The following TAF3 variants were observed in gnomAD, a reference collection of about 807,000 sequenced individuals.
The protein encoded by TAF3 is transcription initiation factor TFIID subunit 3.
TAF3 carries 7 observed loss-of-function variants against 80.6 expected under a neutral mutation model. The ratio of observed to expected loss-of-function variants is 0.09; its 90% CI spans 0.05 to 0.16. The LOEUF (loss-of-function observed/expected upper bound fraction) is 0.16. TAF3 is among the 10% of genes least tolerant of loss of function. The pLI is 1.00. For missense variants in TAF3, 921 were observed against 1,140.2 expected, an observed-to-expected ratio of 0.81 and a Z score of 2.77; for synonymous variants, 444 against 446.1, an observed-to-expected ratio of 1.00 and a Z score of 0.06.
rs896172351 is a variant in TAF3, at chr10:7,911,814, G to A, written c.410-52106G>A. The stretch of plus-strand genomic sequence containing the variant: ...GGAACATTGAGCTTCCATTTTGGTC[G>A]ACAGCCACAGTGACCTGGGGCCAAA... On this transcript the variant is annotated intron_variant, in intron 2 of 6. Transcript: ENST00000344293. Among the ~76,000 whole-genome samples the A allele has an allele frequency of 2.0e-5, 3 of 152,130 alleles. No individual in the cohort carries two copies. In the South Asian group the frequency reaches 6.2e-4, roughly 32 times the overall value.
intron 2 of TAF3, among the ~76,000 whole-genome samples, chr10:7,927,557 G>C (rs1310513067): frequency 6.6e-6 from 1 of 152,038 alleles, no homozygotes; most frequent in East Asian, 1.9e-4. Flanking sequence ...TAGATAACGT[G>C]GAATCAGAAT....
intron 2 of TAF3, among the ~76,000 whole-genome samples, chr10:7,906,389 C>G (rs1311516486): frequency 1.3e-5 from 2 of 152,190 alleles, no homozygotes; most frequent in African/African-American, 4.8e-5. Flanking sequence ...CAGGTGGTAA[C>G]TACAGCTACA....
intron 2 of TAF3, among the ~76,000 whole-genome samples, chr10:7,932,595 A>G (rs1837877817): frequency 6.6e-6 from 1 of 152,126 alleles, no homozygotes; most frequent in Admixed American, 6.5e-5. Context: ...TCCCAATGTA[A>G]AGATCAGTTG....
chr10:7,934,039 A>G (rs1469739398), intron 2 of TAF3, among the ~76,000 whole-genome samples: 1 of 152,232 alleles, frequency 6.6e-6, no homozygotes, highest in Non-Finnish European at 1.5e-5. Flanking sequence ...CATTGAGCAC[A>G]AAATGCCACC....
At chr10:7,927,164 A>G (rs1458985990) in intron 2 of TAF3, among the ~76,000 whole-genome samples, 3 of 152,230 alleles carry the variant, frequency 2.0e-5, no homozygotes, top group African/African-American at 4.8e-5. Flanking sequence ...TTATATACTC[A>G]TCTTTCATGT....
chr10:7,994,977 G>GAAA (rs71287400), intron 4 of TAF3, among the ~76,000 whole-genome samples: 2 of 97,646 alleles, frequency 2.0e-5, no homozygotes, highest in Non-Finnish European at 4.0e-5. Flanking sequence ...CTCAAAAAAA[G>GAAA]AAAAAAAAAA....
chr10:7,833,943 C>T (rs926312426), intron 2 of TAF3: 8 of 388,704 alleles, frequency 2.1e-5, no homozygotes, highest in African/African-American at 4.3e-5. Context: ...TCTTGCCATT[C>T]CCGCTGGGCA....
At chr10:7,847,844 C>T (rs1181249076) in intron 2 of TAF3, among the ~76,000 whole-genome samples, 3 of 152,160 alleles carry the variant, frequency 2.0e-5, no homozygotes, top group South Asian at 2.1e-4. Context: ...CTGGGCCCAC[C>T]GCAACCTCCA....
Position 8,014,699 on chromosome 10 carries a change from C to T in TAF3, c.2738C>T (p.Ala913Val), listed in dbSNP as rs201712983. 9 of 1,611,176 alleles carry T rather than the reference C, an allele frequency of 5.6e-6. No individual in the cohort carries two copies. In the Admixed American group the frequency reaches 8.4e-5, roughly 15 times the overall value. The change falls in exon 7 of 7, where the codon GCG becomes GTG. Residue 913 changes from alanine to valine, a missense_variant. Ala to Val is a moderately conservative substitution (Grantham distance 64). Transcript: ENST00000344293. ...ATGCAGTGGTTCTGCCCCAAGTGTG[C>T]GAACAAGAAGAAGGACAAAAAGCAC... is the stretch of plus-strand genomic sequence containing the variant. The part of the protein sequence containing the change: ...EEMQWFCPKC[A>V]NKKKDKKHKK...
intron 3 of TAF3, among the ~76,000 whole-genome samples, chr10:7,972,744 T>C (rs895247354): frequency 6.6e-6 from 1 of 152,232 alleles, no homozygotes; most frequent in African/African-American, 2.4e-5. Flanking sequence ...CATTTCTTGA[T>C]TCCTTTGTCC....
chr10:7,869,907 C>A lies in TAF3; in HGVS notation c.409+45347C>A, dbSNP rs376986679. On this transcript the variant is annotated intron_variant, in intron 2 of 6. Coordinates refer to ENST00000344293, the MANE Select transcript of TAF3 (RefSeq NM_031923.4). ...CATTATAAATTGCTCTTTAAAAATTCTTTGCCTCTTTTATCACGCCTGACC... is the reference window on the plus strand; with the variant it reads ...CATTATAAATTGCTCTTTAAAAATTATTTGCCTCTTTTATCACGCCTGACC... 3.1e-4 allele frequency among the ~76,000 whole-genome samples: 47 copies of A among 152,212 alleles called. No homozygotes were observed. The East Asian group carries it at 4.4e-3, about 14-fold the overall frequency.
intron 2 of TAF3, among the ~76,000 whole-genome samples, chr10:7,883,388 G>A (rs1837379384): frequency 6.6e-6 from 1 of 152,206 alleles, no homozygotes; most frequent in African/African-American, 2.4e-5. Flanking sequence ...AGACGGTGGT[G>A]TGTTCTTCTA....
At chr10:7,989,613 T>C (rs1831814886) in intron 4 of TAF3, among the ~76,000 whole-genome samples, 1 of 152,250 alleles carries the variant, frequency 6.6e-6, no homozygotes, top group Non-Finnish European at 1.5e-5. Flanking sequence ...TTAAAACTTT[T>C]GATAGAAATT....
chr10:7,955,394 AATC>A (rs1172116680), intron 2 of TAF3, among the ~76,000 whole-genome samples: 3 of 152,230 alleles, frequency 2.0e-5, no homozygotes, highest in African/African-American at 7.2e-5. Flanking sequence ...ACTTTTAACC[AATC>A]ATAAGAAGTC....
chr10:7,874,425 A>C (rs1348633766), intron 2 of TAF3, among the ~76,000 whole-genome samples: 2 of 152,164 alleles, frequency 1.3e-5, no homozygotes. Flanking sequence ...TTTCCTGCAT[A>C]AATCAGATTT....
chr10:7,973,593 A>C (rs1287546980), intron 3 of TAF3, among the ~76,000 whole-genome samples: 3 of 152,268 alleles, frequency 2.0e-5, no homozygotes, highest in African/African-American at 7.2e-5. Context: ...TTACCTGTAA[A>C]ATGAAACCCA....
chr10:7,818,556 G>C lies in TAF3; in HGVS notation c.-154G>C, dbSNP rs1019866715. 1 of 756,582 alleles carries C rather than the reference G, an allele frequency of 1.3e-6. No homozygotes were observed. Among genetic ancestry groups the C allele is most frequent in the African/African-American group, 1.8e-5 (1 of 54,120 alleles). 46.9% of individuals were successfully genotyped at this position (756,582 alleles called of 1,614,324 possible). A position where few individuals can be genotyped will look rare whatever the true frequency, so the allele number is the denominator to read the frequency against. ...GGCGGCTCTCAGGCTGGCGCGCTCC[G>C]TGCTGCTGGGGCTTTGAGGTGGTCG... is the stretch of plus-strand genomic sequence containing the variant. On this transcript the variant is annotated 5_prime_UTR_variant, in exon 1 of 7. Coordinates refer to ENST00000344293, the MANE Select transcript of TAF3 (RefSeq NM_031923.4).
At chr10:7,942,940 C>A (rs1294341406) in intron 2 of TAF3, among the ~76,000 whole-genome samples, 1 of 152,238 alleles carries the variant, frequency 6.6e-6, no homozygotes, top group Non-Finnish European at 1.5e-5. Context: ...GTCTTCTGCT[C>A]TTAACAGGAA....
At chr10:7,889,764 T>C (rs1053096486) in intron 2 of TAF3, among the ~76,000 whole-genome samples, 10 of 152,240 alleles carry the variant, frequency 6.6e-5, no homozygotes, top group African/African-American at 2.4e-4. Context: ...TCTTGTTTCT[T>C]GTGGTAAAAG....
Sources: gnomAD v4.1 joint callset for allele counts (sites outside exome capture counted in the v4.1 genomes callset) on GRCh38, gnomAD v4.1.1 for gene constraint, MANE v1.5 for transcripts, NCBI Gene and HGNC (gene_info 2026-07-23, HGNC 2026-07-21) for gene names.